The following QPCT variants were observed in gnomAD, a reference collection of about 807,000 sequenced individuals.
QPCT encodes glutaminyl-peptide cyclotransferase, also known as EC.
QPCT carries 44 observed loss-of-function variants against 43.4 expected under a neutral mutation model. That is an observed-to-expected ratio of 1.01 (90% CI 0.80 to 1.30). QPCT has a LOEUF of 1.30. Among genes scored for constraint, QPCT ranks in the 50% most tolerant of loss-of-function variants. The probability of loss-of-function intolerance (pLI) is 0.00; values close to 1 mark genes in which losing one functional copy is unlikely to be tolerated. For synonymous variants in QPCT, 168 were observed against 168.4 expected (o/e 1.00, Z 0.02); for missense variants, 526 against 436.5 (o/e 1.21, Z -1.83).
At position 37,367,241 on chromosome 2, in the gene QPCT, G is replaced by T; in HGVS notation, c.556G>T (p.Asp186Tyr). 6.2e-7 allele frequency: 1 copy of T among 1,612,670 alleles called. No homozygotes were observed. The highest frequency in any genetic ancestry group is 8.5e-7 in the Non-Finnish European group (1 of 1,179,508). Residue 186 changes from aspartate to tyrosine, a missense_variant, in exon 4 of 7, where the codon GAC becomes TAC. Coordinates refer to ENST00000338415, the MANE Select transcript of QPCT (RefSeq NM_012413.4). ...KKLLSLKTVS[D>Y]SKPDLSLQLI... ...TTGTTGTTTTTACCAGACTGTTTCA[G>T]ACTCCAAGCCAGATTTGTCACTCCA...
chr2:37,363,659 T>TAA (rs58100358), intron 3 of QPCT, among the ~76,000 whole-genome samples: 16 of 79,464 alleles, frequency 2.0e-4, no homozygotes, highest in African/African-American at 4.6e-4. Flanking sequence ...TTTTAAAATG[T>TAA]AAAAAAAAAA....
chr2:37,357,150 C>T (rs1021318240), intron 2 of QPCT, among the ~76,000 whole-genome samples: 4 of 152,094 alleles, frequency 2.6e-5, no homozygotes, highest in African/African-American at 9.7e-5. Flanking sequence ...TGTGTGACTT[C>T]TGAGTATTGC....
intron 2 of QPCT, among the ~76,000 whole-genome samples, chr2:37,354,110 C>G (rs1450244620): frequency 3.3e-5 from 5 of 152,292 alleles, no homozygotes; most frequent in Non-Finnish European, 7.4e-5. Flanking sequence ...GTGATCCGCC[C>G]GCCTCGGCCT....
At chr2:37,353,366 G>A (rs541653835) in intron 2 of QPCT, among the ~76,000 whole-genome samples, 1 of 152,204 alleles carries the variant, frequency 6.6e-6, no homozygotes, top group Admixed American at 6.5e-5. Flanking sequence ...AGTTAAGGCT[G>A]GTGATAAGCT....
At chr2:37,351,105 T>C (rs1476898292) in intron 1 of QPCT, among the ~76,000 whole-genome samples, 2 of 152,226 alleles carry the variant, frequency 1.3e-5, no homozygotes, top group Admixed American at 1.3e-4. Flanking sequence ...ATAAGCATTC[T>C]TTGAAGTCCA....
At chr2:37,351,296 A>T (rs1299385901) in intron 1 of QPCT, among the ~76,000 whole-genome samples, 1 of 152,232 alleles carries the variant, frequency 6.6e-6, no homozygotes, top group African/African-American at 2.4e-5. Context: ...CTTAGGGAAG[A>T]AGTCATCTGA....
chr2:37,353,042 T>C, intron 2 of QPCT, 107 bp downstream of exon 2: 1 of 1,295,140 alleles, frequency 7.7e-7, no homozygotes. Flanking sequence ...AGATCTGTCA[T>C]CTCCTCATTC....
At chr2:37,369,914 G>T (rs1673040387) in intron 5 of QPCT, 130 bp downstream of exon 5, 16 of 773,078 alleles carry the variant, frequency 2.1e-5, no homozygotes, top group Admixed American at 1.1e-4. Context: ...CACTTTGGGA[G>T]GCCAAGGCAG....
chr2:37,364,720 T>C (rs1054322369), intron 3 of QPCT, among the ~76,000 whole-genome samples: 4 of 152,164 alleles, frequency 2.6e-5, no homozygotes, highest in Non-Finnish European at 4.4e-5. Context: ...CTGTTGGTAA[T>C]ACAGATTTCC....
At chr2:37,371,021 C>T (rs1673063064) in intron 5 of QPCT, among the ~76,000 whole-genome samples, 1 of 152,296 alleles carries the variant, frequency 6.6e-6, no homozygotes, top group East Asian at 1.9e-4. Flanking sequence ...GCCATCATAA[C>T]TCACACTTTT....
At chr2:37,368,765 T>C (rs1572738280) in intron 4 of QPCT, 6 of 461,940 alleles carry the variant, frequency 1.3e-5, no homozygotes, top group South Asian at 9.5e-5. Flanking sequence ...AAGTTATTTA[T>C]TTATCAGTCC....
intron 2 of QPCT, among the ~76,000 whole-genome samples, chr2:37,354,483 A>G (rs986269938): frequency 1.3e-5 from 2 of 152,202 alleles, no homozygotes; most frequent in African/African-American, 4.8e-5. Context: ...TAGGAATTTA[A>G]AAAGATCTGA....
chr2:37,370,598 C>T (rs1325446084), intron 5 of QPCT, among the ~76,000 whole-genome samples: 1 of 152,070 alleles, frequency 6.6e-6, no homozygotes, highest in Non-Finnish European at 1.5e-5. Context: ...TCCTTTAAAT[C>T]TAGTACAGTC....
At position 37,359,807 on chromosome 2, in the gene QPCT, A is replaced by G. The variant is rs144014383; in HGVS notation, c.495A>G (p.Ala165=). ...CCACTGATTCAGCCGTGCCATGTGCAATGATGTTGGAACTTGCTCGTGCCT... is the reference window on the plus strand; with the variant it reads ...CCACTGATTCAGCCGTGCCATGTGCGATGATGTTGGAACTTGCTCGTGCCT... ...VGATDSAVPC[A]MMLELARALD... is the part of the protein sequence containing the mutation. Residue 165 remains alanine, a synonymous_variant, in exon 3 of 7, where the codon GCA becomes GCG. Transcript: ENST00000338415. The G allele has an allele frequency of 3.7e-5, 59 of 1,614,216 alleles. No homozygotes were observed. The African/African-American group carries it at 5.9e-4, about 16-fold the overall frequency.
chr2:37,372,323 G>A (rs772671681), intron 5 of QPCT, 33 bp from the exon 6 acceptor site: 3 of 1,402,948 alleles, frequency 2.1e-6, no homozygotes, highest in Middle Eastern at 1.8e-4. Context: ...GATAAAAATA[G>A]TTGTTCATTT....
chr2:37,363,527 A>G (rs1672896786), intron 3 of QPCT, among the ~76,000 whole-genome samples: 2 of 151,148 alleles, frequency 1.3e-5, no homozygotes, highest in African/African-American at 2.4e-5. Flanking sequence ...GCTACTTGGG[A>G]GGCTGAGGCA....
At chr2:37,349,772 G>C (rs79609894) in intron 1 of QPCT, among the ~76,000 whole-genome samples, 6,855 of 152,200 alleles carry the variant, frequency 0.045, 723 homozygotes, top group East Asian at 0.35. Flanking sequence ...GTAGCCACCT[G>C]TCTCTTCTGT....
intron 1 of QPCT, among the ~76,000 whole-genome samples, chr2:37,351,555 A>C (rs988151648): frequency 1.3e-5 from 2 of 152,246 alleles, no homozygotes; most frequent in Non-Finnish European, 2.9e-5. Flanking sequence ...AAGGAATTGC[A>C]ACAATCATCT....
chr2:37,358,454 A>AACAAAACAAAACAAC (rs1672793139), intron 2 of QPCT, among the ~76,000 whole-genome samples: 1 of 151,994 alleles, frequency 6.6e-6, no homozygotes, highest in African/African-American at 2.4e-5. Context: ...AACAAAACAA[A>AACAAAACAAAACAAC]ACAAAACAAA....
Sources: gnomAD v4.1 joint callset for allele counts (sites outside exome capture counted in the v4.1 genomes callset) on GRCh38, gnomAD v4.1.1 for gene constraint, MANE v1.5 for transcripts, NCBI Gene and HGNC (gene_info 2026-07-23, HGNC 2026-07-21) for gene names.